The following PDE1C variants were observed in gnomAD, a reference collection of about 807,000 sequenced individuals.
PDE1C encodes the protein phosphodiesterase 1C, also known as dual specificity calcium/calmodulin-dependent 3',5'-cyclic nucleotide phosphodiesterase 1C.
Under a neutral mutation model 93.1 loss-of-function variants are expected in PDE1C, and 62 were observed. The ratio of observed to expected loss-of-function variants is 0.67; its 90% CI spans 0.54 to 0.82. The LOEUF (loss-of-function observed/expected upper bound fraction) is 0.82, where lower values mean the gene tolerates loss of function less well. Ranked by LOEUF, PDE1C falls within the 40% of genes least tolerant of loss-of-function variation. The pLI is 0.00. For synonymous variants in PDE1C, 325 were observed against 310.1 expected (o/e 1.05, Z -0.50); for missense variants, 742 against 884.6 (o/e 0.84, Z 2.04).
At chr7:32,261,417 G>A (rs1348236293) in intron 1 of PDE1C, among the ~76,000 whole-genome samples, 1 of 151,988 alleles carries the variant, frequency 6.6e-6, no homozygotes, top group Non-Finnish European at 1.5e-5. Flanking sequence ...GCCCCTACCC[G>A]CCAAATTATC....
At chr7:32,306,382 G>C (rs1212638201) in intron 1 of PDE1C, among the ~76,000 whole-genome samples, 2 of 152,156 alleles carry the variant, frequency 1.3e-5, no homozygotes, top group African/African-American at 4.8e-5. Context: ...TGGGGAGCCT[G>C]TGAGTCATTA....
At chr7:31,745,375 C>G in the PDE1C span, among the ~76,000 whole-genome samples, 1 of 152,122 alleles carries the variant, frequency 6.6e-6, no homozygotes, top group Admixed American at 6.5e-5. Flanking sequence ...ACATAAAGCA[C>G]TATGTTGATC....
At chr7:31,734,639 G>A in the PDE1C span, among the ~76,000 whole-genome samples, 10 of 152,034 alleles carry the variant, frequency 6.6e-5, no homozygotes, top group South Asian at 2.1e-4. Context: ...AAACTGTTTC[G>A]TGCCCAAGAG....
At chr7:31,983,106 C>G (rs1812605447) in intron 2 of PDE1C, among the ~76,000 whole-genome samples, 1 of 152,158 alleles carries the variant, frequency 6.6e-6, no homozygotes, top group Non-Finnish European at 1.5e-5. Flanking sequence ...TAAACCCATC[C>G]CCCTCTCCAT....
chr7:31,840,033 T>A (rs1237413639), intron 9 of PDE1C, among the ~76,000 whole-genome samples: 1 of 152,128 alleles, frequency 6.6e-6, no homozygotes, highest in African/African-American at 2.4e-5. Context: ...AGAGACTGCA[T>A]CTCAATTAAA....
chr7:32,283,677 GACA>G (rs774387866), intron 1 of PDE1C, among the ~76,000 whole-genome samples: 4 of 152,174 alleles, frequency 2.6e-5, no homozygotes, highest in Non-Finnish European at 5.9e-5. Flanking sequence ...CAGCTGCTAT[GACA>G]ACAAGAGGAG....
chr7:32,261,795 G>C (rs769655273), intron 1 of PDE1C, among the ~76,000 whole-genome samples: 8 of 152,170 alleles, frequency 5.3e-5, no homozygotes, highest in Non-Finnish European at 5.9e-5. Context: ...AAGTCATTTT[G>C]AAATAATGCA....
At chr7:31,912,978 T>TTTTCATATTTTAACCTATAGTAATA (rs1801436892) in intron 2 of PDE1C, among the ~76,000 whole-genome samples, 1 of 152,158 alleles carries the variant, frequency 6.6e-6, no homozygotes, top group Non-Finnish European at 1.5e-5. Context: ...ACCAAGCACT[T>TTTTCATATTTTAACCTATAGTAATA]TTTCATATTT....
intron 1 of PDE1C, among the ~76,000 whole-genome samples, chr7:32,369,953 C>T (rs1480612699): frequency 6.6e-6 from 1 of 152,144 alleles, no homozygotes; most frequent in Non-Finnish European, 1.5e-5. Flanking sequence ...ACTAGAAATA[C>T]CATTTGACCC....
the PDE1C span, among the ~76,000 whole-genome samples, chr7:31,704,327 T>C: frequency 1.3e-5 from 2 of 152,190 alleles, no homozygotes; most frequent in African/African-American, 4.8e-5. Context: ...TGAACTATTT[T>C]AGATGGGGCT....
intron 16 of PDE1C, among the ~76,000 whole-genome samples, chr7:31,796,537 C>T (rs758494946): frequency 4.7e-4 from 72 of 151,630 alleles, no homozygotes; most frequent in Admixed American, 1.1e-3. Flanking sequence ...TTACCAAAAG[C>T]GCTAACTGTT....
rs558971047 is a variant in PDE1C, at chr7:32,110,144, C to T, written c.308+59641G>A. Among the ~76,000 whole-genome samples, 13 of 152,250 alleles carry T rather than the reference C, an allele frequency of 8.5e-5. No individual in the cohort carries two copies. The South Asian group carries it at 2.7e-3, about 32-fold the overall frequency. The stretch of plus-strand genomic sequence containing the variant: ...TTTTGTAAATAACATTTTTTGGAAT[C>T]CAACCATGGGAATGGTCTGTGGTGG... On this transcript the variant is annotated intron_variant, in intron 3 of 18. Transcript: ENST00000396193.
Position 31,880,755 on chromosome 7 carries a change from A to G in PDE1C, c.234T>C (p.Asp78=). The G allele has an allele frequency of 2.5e-6, 4 of 1,577,306 alleles. No homozygotes were observed. Among genetic ancestry groups the G allele is most frequent in the Non-Finnish European group, 3.5e-6 (4 of 1,147,952 alleles). ...AATVLESVYI[D]ETRRLLDTED... is the part of the protein sequence containing the mutation. Reference sequence around the variant, plus strand: ...TGTTATTTTTAGCTTACCTTGTTTCATCAATATACACAGATTCAAGCACTG... The same window carrying G: ...TGTTATTTTTAGCTTACCTTGTTTCGTCAATATACACAGATTCAAGCACTG... The change falls in exon 3 of 18, where the codon GAT becomes GAC. Residue 78 remains aspartate (D), a synonymous_variant. Transcript: ENST00000396191.
chr7:31,645,005 A>G, the PDE1C span, among the ~76,000 whole-genome samples: 638 of 152,286 alleles, frequency 4.2e-3, 2 homozygotes, highest in Non-Finnish European at 7.8e-3. Flanking sequence ...AATCCATTCC[A>G]TAAATATTTG....
chr7:32,019,506 C>A (rs1371224343), intron 2 of PDE1C, among the ~76,000 whole-genome samples: 3 of 152,118 alleles, frequency 2.0e-5, no homozygotes, highest in African/African-American at 7.2e-5. Flanking sequence ...AACCATTAAA[C>A]TGAAAAATTA....
chr7:31,829,708 T>C (rs1319830540), intron 11 of PDE1C, among the ~76,000 whole-genome samples: 3 of 152,082 alleles, frequency 2.0e-5, no homozygotes, highest in African/African-American at 4.8e-5. Flanking sequence ...TCTTCCTATA[T>C]AGACACCCCA....
rs186350388 is a variant in PDE1C at position 32,248,402 on chromosome 7, G to T, written c.86-38863C>A. 2.1e-4 allele frequency among the ~76,000 whole-genome samples: 32 copies of T among 152,302 alleles called. No individual in the cohort carries two copies. In the East Asian group the frequency reaches 5.6e-3, roughly 27 times the overall value. On this transcript the variant is annotated intron_variant, in intron 1 of 18. Coordinates refer to the PDE1C transcript ENST00000396193. ...AAGCCAGATTCCCAGCCTTGAATGG[G>T]TTTATAACCTAACAGGGGACTCAAG...
intron 2 of PDE1C, among the ~76,000 whole-genome samples, chr7:32,174,731 T>A (rs1246583966): frequency 6.6e-6 from 1 of 152,072 alleles, no homozygotes; most frequent in Non-Finnish European, 1.5e-5. Flanking sequence ...AAGAAAGATT[T>A]TTGAGCAAGG....
At chr7:32,249,597 C>T (rs1809211926) in intron 1 of PDE1C, among the ~76,000 whole-genome samples, 1 of 152,196 alleles carries the variant, frequency 6.6e-6, no homozygotes, top group Middle Eastern at 3.2e-3. Context: ...AGCCATCCCA[C>T]CACACTGGCG....
Sources: gnomAD v4.1 joint callset for allele counts (sites outside exome capture counted in the v4.1 genomes callset) on GRCh38, gnomAD v4.1.1 for gene constraint, MANE v1.5 for transcripts, NCBI Gene and HGNC (gene_info 2026-07-23, HGNC 2026-07-21) for gene names.